Variants in PLEKHA5 observed in about 807,000 individuals in gnomAD.
The protein encoded by PLEKHA5 is pleckstrin homology domain-containing family A member 5.
A neutral mutation model predicts 181.9 loss-of-function variants in PLEKHA5; 55 were observed. The observed-to-expected ratio is 0.30, with a 90% CI of 0.24 to 0.38. The LOEUF (loss-of-function observed/expected upper bound fraction) is 0.38. Ranked by LOEUF, PLEKHA5 falls within the 10% of genes least tolerant of loss-of-function variation. The pLI, the probability that PLEKHA5 is intolerant of heterozygous loss-of-function variation, is 1.00. For missense variants in PLEKHA5, 1,432 were observed against 1,549.5 expected, an observed-to-expected ratio of 0.92 and a Z score of 1.27; for synonymous variants, 535 against 529.4, an observed-to-expected ratio of 1.01 and a Z score of -0.15.
intron 25 of PLEKHA5, among the ~76,000 whole-genome samples, chr12:19,349,535 T>C (rs1206371265): frequency 6.6e-6 from 1 of 152,148 alleles, no homozygotes; most frequent in African/African-American, 2.4e-5. Flanking sequence ...TATACTCTGA[T>C]TTTTTTCTTA....
chr12:19,337,373 C>T (rs954305010), intron 21 of PLEKHA5, among the ~76,000 whole-genome samples: 6 of 150,608 alleles, frequency 4.0e-5, no homozygotes, highest in Admixed American at 6.6e-5. Context: ...GCCAACATGG[C>T]GAAACCCTGT....
At chr12:19,140,939 G>A (rs1464118101) in intron 3 of PLEKHA5, among the ~76,000 whole-genome samples, 2 of 152,076 alleles carry the variant, frequency 1.3e-5, no homozygotes, top group African/African-American at 4.8e-5. Context: ...CAGGTGGCCC[G>A]CCACTACGCC....
chr12:19,297,777 A>C (rs1592368445), intron 15 of PLEKHA5, among the ~76,000 whole-genome samples: 1 of 150,122 alleles, frequency 6.7e-6, no homozygotes, highest in Non-Finnish European at 1.5e-5. Flanking sequence ...TTTGAGAATG[A>C]AAAACATTTC....
At chr12:19,202,630 A>G (rs368420436) in intron 3 of PLEKHA5, among the ~76,000 whole-genome samples, 31 of 152,236 alleles carry the variant, frequency 2.0e-4, no homozygotes, top group African/African-American at 7.5e-4. Context: ...TAGAATGTAC[A>G]AACGCCAATT....
intron 29 of PLEKHA5, among the ~76,000 whole-genome samples, chr12:19,362,770 T>C (rs1272267259): frequency 2.0e-5 from 3 of 151,412 alleles, no homozygotes; most frequent in Non-Finnish European, 4.4e-5. Flanking sequence ...AAAAAAATTT[T>C]AAAAAGAGAG....
intron 3 of PLEKHA5, among the ~76,000 whole-genome samples, chr12:19,155,088 A>G (rs2041360065): frequency 6.6e-6 from 1 of 152,330 alleles, no homozygotes; most frequent in South Asian, 2.1e-4. Flanking sequence ...TGTGGAGTAG[A>G]GTGCCACTCA....
chr12:19,283,241 C>T lies in PLEKHA5; in HGVS notation c.1314-39C>T, dbSNP rs201116423. On this transcript the variant is annotated intron_variant, in intron 11 of 31. Transcript: ENST00000429027. ...CTAATTTAGAATTTGGAAAATAACC[C>T]TCCTTCATGTTTACATTTTAATTAT... The T allele has an allele frequency of 2.6e-4, 339 of 1,283,512 alleles. 2 individuals are homozygous for T. In the African/African-American group the frequency reaches 4.8e-3, roughly 18 times the overall value. 79.5% of individuals were successfully genotyped at this position (1,283,512 alleles called of 1,614,324 possible). A position where few individuals can be genotyped will look rare whatever the true frequency, so the allele number is the denominator to read the frequency against.
At chr12:19,280,036 GTTTTTTTTTTTTTTTT>G (rs869050795) in intron 11 of PLEKHA5, among the ~76,000 whole-genome samples, 7 of 54,504 alleles carry the variant, frequency 1.3e-4, no homozygotes, top group Middle Eastern at 0.038. Flanking sequence ...AATGAAACCT[GTTTTTTTTTTTTTTTT>G]TTTTTTTTTT....
At chr12:19,369,852 C>A in intron 31 of PLEKHA5, 54 bp downstream of exon 31, 2 of 1,074,572 alleles carry the variant, frequency 1.9e-6, no homozygotes, top group East Asian at 2.4e-5. Flanking sequence ...AATTTTATGA[C>A]TTATCTGTTG....
chr12:19,334,818 C>CAAAA (rs1241415983), intron 20 of PLEKHA5, among the ~76,000 whole-genome samples: 66 of 5,964 alleles, frequency 0.011, 7 homozygotes, highest in African/African-American at 0.013. Context: ...CCTGTCTTCA[C>CAAAA]AAAAAAAAAA....
intron 21 of PLEKHA5, among the ~76,000 whole-genome samples, chr12:19,340,542 C>G (rs1478149976): frequency 2.0e-5 from 3 of 148,636 alleles, no homozygotes; most frequent in East Asian, 2.0e-4. Context: ...ATTGAGAAAT[C>G]GGATGGTTGC....
chr12:19,296,047 C>T (rs996074011), intron 15 of PLEKHA5, among the ~76,000 whole-genome samples: 4 of 149,302 alleles, frequency 2.7e-5, no homozygotes, highest in Non-Finnish European at 5.9e-5. Context: ...GCCTGGCCAA[C>T]GTATAGTGAA....
At chr12:19,207,522 C>G (rs992732109) in intron 3 of PLEKHA5, 1 of 152,014 alleles carries the variant, frequency 6.6e-6, no homozygotes, top group Non-Finnish European at 1.5e-5. Context: ...CACTTATTTC[C>G]TTAATTTTGA....
chr12:19,307,825 CAG>C (rs202097380), intron 15 of PLEKHA5, among the ~76,000 whole-genome samples: 2 of 151,840 alleles, frequency 1.3e-5, no homozygotes, highest in East Asian at 3.9e-4. Context: ...GAAGTACAAA[CAG>C]AGAGACAACA....
chr12:19,198,824 A>T (rs1018589155), intron 3 of PLEKHA5, among the ~76,000 whole-genome samples: 1 of 152,228 alleles, frequency 6.6e-6, no homozygotes, highest in African/African-American at 2.4e-5. Context: ...GTCTTTTAGC[A>T]GAATGCAGGA....
intron 3 of PLEKHA5, among the ~76,000 whole-genome samples, chr12:19,240,568 GTAAC>G (rs1190422401): frequency 6.6e-6 from 1 of 150,480 alleles, no homozygotes; most frequent in East Asian, 2.0e-4. Context: ...AGCTTCCTGA[GTAAC>G]TGGGACTACA....
chr12:19,315,019 T>G, intron 16 of PLEKHA5, 125 bp downstream of exon 16: 1 of 649,948 alleles, frequency 1.5e-6, no homozygotes, highest in South Asian at 1.7e-5. Context: ...TTGTTTATGT[T>G]TATTTGGAAA....
At chr12:19,314,941 C>A (rs1473633394) in intron 16 of PLEKHA5, 47 bp downstream of exon 16, 1 of 911,092 alleles carries the variant, frequency 1.1e-6, no homozygotes, top group East Asian at 2.6e-5. Flanking sequence ...TCTGCAAAAT[C>A]CCTCAGTGAC....
At chr12:19,229,056 C>A (rs1319400787) in intron 3 of PLEKHA5, among the ~76,000 whole-genome samples, 3 of 152,146 alleles carry the variant, frequency 2.0e-5, no homozygotes, top group African/African-American at 7.2e-5. Flanking sequence ...AATCTGCCCT[C>A]CAGTATCAGA....
Sources: gnomAD v4.1 joint callset for allele counts (sites outside exome capture counted in the v4.1 genomes callset) on GRCh38, gnomAD v4.1.1 for gene constraint, MANE v1.5 for transcripts, NCBI Gene and HGNC (gene_info 2026-07-23, HGNC 2026-07-21) for gene names.